The following ZNF431 variants were observed in gnomAD, a reference collection of about 807,000 sequenced individuals.
The protein encoded by ZNF431 is zinc finger protein 431.
Under a neutral mutation model 57.0 loss-of-function variants are expected in ZNF431, and 34 were observed. The observed-to-expected ratio is 0.60, with a 90% CI of 0.45 to 0.79. The LOEUF is 0.79. Ranked by LOEUF, ZNF431 falls within the 30% of genes least tolerant of loss-of-function variation. The pLI is 0.00. For synonymous variants in ZNF431, 207 were observed against 220.3 expected (o/e 0.94, Z 0.54); for missense variants, 607 against 667.1 (o/e 0.91, Z 0.99).
chr19:21,174,978 T>C (rs1450193303), intron 4 of ZNF431, among the ~76,000 whole-genome samples: 2 of 152,108 alleles, frequency 1.3e-5, no homozygotes, highest in Non-Finnish European at 2.9e-5. Context: ...GTCAGGCTGG[T>C]CCCAATCTGA....
At position 21,186,413 on chromosome 19, in the gene ZNF431, T is replaced by C. The variant is rs1473869543; in HGVS notation, c.*2379T>C. 6.6e-6 allele frequency: 1 copy of C among 152,216 alleles called. No individual in the cohort carries two copies. The highest frequency in any genetic ancestry group is 2.4e-5 in the African/African-American group (1 of 41,452). The allele number at this position is 152,216 out of a possible 1,614,324, so 9.4% of individuals were successfully genotyped here. On this transcript the variant is annotated 3_prime_UTR_variant, in exon 5 of 5. Coordinates refer to ENST00000311048, the MANE Select transcript of ZNF431 (RefSeq NM_133473.4). Reference sequence around the variant, plus strand: ...AAATACATGTTAGTCTAAAGACAAATCTTAGGTGTAAGAAAATTATGGAGT... The same window carrying C: ...AAATACATGTTAGTCTAAAGACAAACCTTAGGTGTAAGAAAATTATGGAGT...
At chr19:21,170,106 A>C (rs1970840447) in intron 4 of ZNF431, among the ~76,000 whole-genome samples, 1 of 151,986 alleles carries the variant, frequency 6.6e-6, no homozygotes, top group Non-Finnish European at 1.5e-5. Context: ...CTGAAAAAAC[A>C]CTCCTCAATC....
At chr19:21,154,026 A>G (rs8110848) in intron 2 of ZNF431, among the ~76,000 whole-genome samples, 111,379 of 151,016 alleles carry the variant, frequency 0.74, 41,919 homozygotes, top group Middle Eastern at 0.85. Flanking sequence ...GGAGTCCCCA[A>G]TTTTTTTTTT....
intron 2 of ZNF431, among the ~76,000 whole-genome samples, chr19:21,158,261 G>A (rs749671992): frequency 2.0e-5 from 3 of 151,852 alleles, no homozygotes; most frequent in South Asian, 2.1e-4. Flanking sequence ...GCAATGGTGC[G>A]ATCTCAGCTT....
chr19:21,184,532 G>A lies in ZNF431; in HGVS notation c.*498G>A, dbSNP rs1441053073. ...TCTAACCATAAAAGTAATTATACTG[G>A]TGAGAAATCCTAGAAATCTGAAGAG... On this transcript the variant is annotated 3_prime_UTR_variant, in exon 5 of 5. Transcript: ENST00000311048. 1 of 153,836 alleles carries A rather than the reference G, an allele frequency of 6.5e-6. No individual in the cohort carries two copies. Among genetic ancestry groups the A allele is most frequent in the Non-Finnish European group, 1.5e-5 (1 of 68,590 alleles). 9.5% of individuals were successfully genotyped at this position (153,836 alleles called of 1,614,324 possible).
rs1410205734 is a variant in ZNF431 at position 21,186,468 on chromosome 19, A to G, written c.*2434A>G. ...TATGTGTGTGTGAGTATGAGTTTGT[A>G]CATATTTTCAGAAGGAAAGAATGAT... On this transcript the variant is annotated 3_prime_UTR_variant, in exon 5 of 5. Transcript: ENST00000311048. The G allele has an allele frequency of 6.6e-6, 1 of 152,236 alleles. No individual in the cohort carries two copies. Among genetic ancestry groups the G allele is most frequent in the East Asian group, 1.9e-4 (1 of 5,204 alleles). The allele number at this position is 152,236 out of a possible 1,614,324, so 9.4% of individuals were successfully genotyped here.
At chr19:21,175,743 A>G (rs1447942338) in intron 4 of ZNF431, among the ~76,000 whole-genome samples, 2 of 152,222 alleles carry the variant, frequency 1.3e-5, no homozygotes, top group Admixed American at 6.5e-5. Flanking sequence ...TGTCTTTGCA[A>G]AGTACATAAT....
intron 4 of ZNF431, among the ~76,000 whole-genome samples, chr19:21,182,073 C>T (rs1450238012): frequency 1.3e-5 from 2 of 152,156 alleles, no homozygotes; most frequent in Non-Finnish European, 2.9e-5. Flanking sequence ...TTTGCTGTAT[C>T]TGTTCCCTGT....
chr19:21,151,984 G>C (rs537992556), intron 2 of ZNF431, among the ~76,000 whole-genome samples: 1 of 152,202 alleles, frequency 6.6e-6, no homozygotes, highest in African/African-American at 2.4e-5. Context: ...AGTGGCCCTA[G>C]TGATGTGGCT....
At chr19:21,182,180 C>G (rs984951793) in intron 4 of ZNF431, among the ~76,000 whole-genome samples, 1 of 152,232 alleles carries the variant, frequency 6.6e-6, no homozygotes, top group South Asian at 2.1e-4. Context: ...TCTTTCAGCA[C>G]TTTATGTTAT....
At chr19:21,158,498 T>C (rs1444483855) in intron 2 of ZNF431, among the ~76,000 whole-genome samples, 1 of 152,156 alleles carries the variant, frequency 6.6e-6, no homozygotes, top group Non-Finnish European at 1.5e-5. Flanking sequence ...GGCCTGGCCA[T>C]CTCTGACTTC....
Position 21,183,757 on chromosome 19 carries a change from A to G in ZNF431, c.1454A>G (p.Lys485Arg), listed in dbSNP as rs772082527. The G allele has an allele frequency of 1.2e-6, 2 of 1,613,966 alleles. No homozygotes were observed. The highest frequency in any genetic ancestry group is 3.3e-5 in the Admixed American group (2 of 60,008). Residue 485 changes from lysine to arginine, a missense_variant, in exon 5 of 5, where the codon AAA becomes AGA. Physicochemically the swap from Lys to Arg is conservative, Grantham distance 26. Transcript: ENST00000311048. ...ATTCACACTGGAGAGAAACCCTACA[A>G]ATGTGAAGAATGTGGCAAAGCTTTT... Reference protein sequence around the residue: ...KRIHTGEKPYKCEECGKAFNR... With the variant: ...KRIHTGEKPYRCEECGKAFNR...
chr19:21,165,769 G>C (rs1204577679), intron 2 of ZNF431, among the ~76,000 whole-genome samples: 3 of 151,230 alleles, frequency 2.0e-5, no homozygotes, highest in African/African-American at 4.9e-5. Context: ...ACTTGACTTT[G>C]TTTACAAGCC....
Position 21,182,703 on chromosome 19 carries a change from T to C in ZNF431, c.400T>C (p.Tyr134His), listed in dbSNP as rs1971239470. 6.2e-7 allele frequency: 1 copy of C among 1,613,880 alleles called. No individual in the cohort carries two copies. The highest frequency in any genetic ancestry group is 8.5e-7 in the Non-Finnish European group (1 of 1,179,840). Reference sequence around the variant, plus strand: ...TTTTCAACAAGTAATACTGAGAAGATATGGCAAATGTGAACATGAGAATTT... The same window carrying C: ...TTTTCAACAAGTAATACTGAGAAGACATGGCAAATGTGAACATGAGAATTT... ...DSFQQVILRR[Y>H]GKCEHENLQL... Residue 134 changes from tyrosine to histidine, a missense_variant, in exon 5 of 5, where the codon TAT (tyrosine) becomes CAT (histidine). Transcript: ENST00000311048.
chr19:21,170,512 A>G (rs1455623518), intron 4 of ZNF431, among the ~76,000 whole-genome samples: 1 of 152,224 alleles, frequency 6.6e-6, no homozygotes, highest in African/African-American at 2.4e-5. Flanking sequence ...AGTAAATTAG[A>G]TAATTGGTAG....
At chr19:21,143,511 G>C in intron 1 of ZNF431, 40 bp from the exon 2 acceptor site, 1 of 1,497,000 alleles carries the variant, frequency 6.7e-7, no homozygotes, top group Non-Finnish European at 9.3e-7. Context: ...CAGCTAAAGT[G>C]CCTAGTGAAT....
Position 21,167,678 on chromosome 19 carries a change from T to C in ZNF431, c.319+12T>C, listed in dbSNP as rs1448277808. The C allele has an allele frequency of 1.3e-6, 2 of 1,523,802 alleles. No homozygotes were observed. The highest frequency in any genetic ancestry group is 2.0e-5 in the Admixed American group (1 of 49,720). The allele number at this position is 1,523,802 out of a possible 1,614,324, so 94.4% of individuals were successfully genotyped here. The stretch of plus-strand genomic sequence containing the variant: ...GGATGAACCCCCAGGTAGGTGAGAG[T>C]GAAAAAAAACAGATGACACAGATGA... On this transcript the variant is annotated intron_variant, in intron 4 of 4. Transcript: ENST00000311048.
In ZNF431 at chr19:21,147,675, C is replaced by T. The variant is rs141112763; in HGVS notation, c.96+4032C>T. Reference sequence around the variant, plus strand: ...TGTGTCATATAATAATTTTATGTAACGATTGTGATTATTAATGATGTTTTA... The same window carrying T: ...TGTGTCATATAATAATTTTATGTAATGATTGTGATTATTAATGATGTTTTA... On this transcript the variant is annotated intron_variant, in intron 2 of 4. Coordinates refer to ENST00000311048, the MANE Select transcript of ZNF431 (RefSeq NM_133473.4). Among the ~76,000 whole-genome samples the T allele has an allele frequency of 4.8e-3, 718 of 150,184 alleles. 6 individuals carry two copies. Among genetic ancestry groups the T allele is most frequent in the African/African-American group, 0.016 (666 of 40,924 alleles).
At chr19:21,160,899 G>T (rs1388538841) in intron 2 of ZNF431, among the ~76,000 whole-genome samples, 1 of 152,170 alleles carries the variant, frequency 6.6e-6, no homozygotes, top group Non-Finnish European at 1.5e-5. Context: ...ACCAGGTGCG[G>T]TGGATCATGC....
Sources: gnomAD v4.1 joint callset for allele counts (sites outside exome capture counted in the v4.1 genomes callset) on GRCh38, gnomAD v4.1.1 for gene constraint, MANE v1.5 for transcripts, NCBI Gene and HGNC (gene_info 2026-07-23, HGNC 2026-07-21) for gene names.